Variants in KCNAB1 observed in about 807,000 individuals in gnomAD.
KCNAB1 encodes potassium voltage-gated channel subfamily A regulatory beta subunit 1, also known as voltage-gated potassium channel subunit beta-1.
Under a neutral mutation model 64.6 loss-of-function variants are expected in KCNAB1, and 35 were observed. The ratio of observed to expected loss-of-function variants is 0.54; its 90% CI spans 0.41 to 0.72. The LOEUF (loss-of-function observed/expected upper bound fraction) is 0.72, where lower values mean the gene tolerates loss of function less well. Among genes scored for constraint, KCNAB1 ranks in the 30% least tolerant of loss-of-function variants. KCNAB1 has a pLI of 0.00. For missense variants in KCNAB1, 401 were observed against 512.9 expected (o/e 0.78, Z 2.11); for synonymous variants, 177 against 183.8 (o/e 0.96, Z 0.30).
intron 8 of KCNAB1, among the ~76,000 whole-genome samples, chr3:156,494,844 C>A (rs1396173101): frequency 6.6e-6 from 1 of 152,130 alleles, no homozygotes; most frequent in East Asian, 1.9e-4. Flanking sequence ...TGGTTACAAG[C>A]AAGTTTGCCA....
intron 8 of KCNAB1, among the ~76,000 whole-genome samples, chr3:156,502,495 T>C (rs1716511985): frequency 6.7e-6 from 1 of 148,582 alleles, no homozygotes; most frequent in Non-Finnish European, 1.5e-5. Flanking sequence ...TTTTCTATAA[T>C]ATGAAAAAAA....
chr3:156,454,675 TGA>T (rs1291590649), intron 3 of KCNAB1, among the ~76,000 whole-genome samples: 3 of 152,126 alleles, frequency 2.0e-5, no homozygotes, highest in African/African-American at 7.2e-5. Flanking sequence ...GCTATGGACT[TGA>T]AGTCCCATAC....
chr3:156,247,577 G>C (rs1436731566), intron 1 of KCNAB1, among the ~76,000 whole-genome samples: 1 of 151,938 alleles, frequency 6.6e-6, no homozygotes, highest in East Asian at 1.9e-4. Flanking sequence ...TTGCGGGGGA[G>C]AGGAAGATAG....
intron 1 of KCNAB1, among the ~76,000 whole-genome samples, chr3:156,294,588 T>C (rs4056367): frequency 0.62 from 94,511 of 152,110 alleles, 31,773 homozygotes; most frequent in African/African-American, 0.9. Context: ...GTATAATGTG[T>C]ATATATGGAC....
intron 11 of KCNAB1, among the ~76,000 whole-genome samples, chr3:156,518,347 G>A (rs188246333): frequency 3.3e-5 from 5 of 152,006 alleles, no homozygotes; most frequent in African/African-American, 1.2e-4. Context: ...AGTAATATAT[G>A]TGCACTTATG....
At chr3:156,387,275 G>A (rs923826460) in intron 1 of KCNAB1, among the ~76,000 whole-genome samples, 5 of 152,074 alleles carry the variant, frequency 3.3e-5, no homozygotes, top group Non-Finnish European at 5.9e-5. Context: ...GGCCAAGCCA[G>A]GGAGCTGAAT....
intron 5 of KCNAB1, among the ~76,000 whole-genome samples, chr3:156,462,780 AATG>A (rs1713022559): frequency 6.6e-6 from 1 of 152,184 alleles, no homozygotes; most frequent in African/African-American, 2.4e-5. Flanking sequence ...TTGAATCTCA[AATG>A]ATGTTTTCTC....
At chr3:156,449,181 T>A (rs1449478577) in intron 2 of KCNAB1, among the ~76,000 whole-genome samples, 1 of 152,212 alleles carries the variant, frequency 6.6e-6, no homozygotes, top group Non-Finnish European at 1.5e-5. Context: ...TATTTTATAT[T>A]AAATTTTAAA....
intron 2 of KCNAB1, among the ~76,000 whole-genome samples, chr3:156,446,424 T>C (rs1711561590): frequency 6.6e-6 from 1 of 152,204 alleles, no homozygotes; most frequent in African/African-American, 2.4e-5. Flanking sequence ...GACCTAGGGT[T>C]TGAACCTCTT....
intron 1 of KCNAB1, among the ~76,000 whole-genome samples, chr3:156,147,663 G>T (rs911836380): frequency 6.6e-6 from 1 of 152,062 alleles, no homozygotes; most frequent in Non-Finnish European, 1.5e-5. Flanking sequence ...TGAGCTGACG[G>T]CAGGGAGAAG....
At chr3:156,297,770 G>A (rs1364447909) in intron 1 of KCNAB1, among the ~76,000 whole-genome samples, 1 of 152,046 alleles carries the variant, frequency 6.6e-6, no homozygotes, top group East Asian at 1.9e-4. Flanking sequence ...GTGTGTGTGT[G>A]TGTGCGCGTG....
At chr3:156,317,268 A>G (rs1722332721) in intron 1 of KCNAB1, among the ~76,000 whole-genome samples, 1 of 152,090 alleles carries the variant, frequency 6.6e-6, no homozygotes, top group Non-Finnish European at 1.5e-5. Flanking sequence ...TTGCATGTAC[A>G]TTTTCACATT....
At chr3:156,158,022 G>A (rs1035608837) in intron 1 of KCNAB1, among the ~76,000 whole-genome samples, 2 of 151,720 alleles carry the variant, frequency 1.3e-5, no homozygotes, top group Admixed American at 6.6e-5. Context: ...AAAATTAGCC[G>A]GGTGCGGTGG....
Position 156,537,134 on chromosome 3 carries a change from GAAAC to G in KCNAB1, c.*389_*392del. The G allele has an allele frequency of 2.5e-6, 1 of 400,024 alleles. No homozygotes were observed. Among genetic ancestry groups the G allele is most frequent in the Non-Finnish European group, 4.4e-6 (1 of 227,174 alleles). The allele number at this position is 400,024 out of a possible 1,614,324, so 24.8% of individuals were successfully genotyped here. On this transcript the variant is annotated 3_prime_UTR_variant, in exon 14 of 14. Coordinates refer to ENST00000490337, the MANE Select transcript of KCNAB1 (RefSeq NM_172160.3). ...CACAGATGCAATGTGAGTTGCGTAAGAAACAGAGTAGATAGACTAAATTCAGTGA... is the reference window on the plus strand; with the variant it reads ...CACAGATGCAATGTGAGTTGCGTAAGAGAGTAGATAGACTAAATTCAGTGA...
At chr3:156,268,013 C>A (rs1385593479) in intron 1 of KCNAB1, among the ~76,000 whole-genome samples, 1 of 150,528 alleles carries the variant, frequency 6.6e-6, no homozygotes, top group Admixed American at 6.7e-5. Context: ...CATTAGCCAC[C>A]CCCACTTCCT....
chr3:156,322,735 T>C (rs16825997), intron 1 of KCNAB1, among the ~76,000 whole-genome samples: 16,255 of 152,218 alleles, frequency 0.11, 2,784 homozygotes, highest in African/African-American at 0.36. Flanking sequence ...CCTGCTTCTG[T>C]AGAACATTTT....
At chr3:156,474,068 G>T (rs1036126192) in intron 7 of KCNAB1, among the ~76,000 whole-genome samples, 1 of 151,924 alleles carries the variant, frequency 6.6e-6, no homozygotes, top group African/African-American at 2.4e-5. Flanking sequence ...TTCATATTAC[G>T]TCTTCAGTCT....
intron 3 of KCNAB1, among the ~76,000 whole-genome samples, chr3:156,456,767 C>T (rs1169564675): frequency 6.6e-6 from 1 of 152,182 alleles, no homozygotes; most frequent in Non-Finnish European, 1.5e-5. Context: ...TCTGGCTATT[C>T]CTTAAGCTGT....
At chr3:156,241,554 G>A (rs1717164744) in intron 1 of KCNAB1, among the ~76,000 whole-genome samples, 1 of 152,042 alleles carries the variant, frequency 6.6e-6, no homozygotes, top group African/African-American at 2.4e-5. Context: ...CTTCTGGTTG[G>A]ACCACATCAT....
Sources: allele counts gnomAD v4.1 joint callset (sites outside exome capture counted in the v4.1 genomes callset), GRCh38; gene constraint gnomAD v4.1.1; transcripts MANE v1.5; gene names NCBI Gene and HGNC (gene_info 2026-07-23, HGNC 2026-07-21).